TASP1: variants seen among roughly 807,000 people sequenced by gnomAD.
The protein encoded by TASP1 is threonine aspartase 1.
A neutral mutation model predicts 56.6 loss-of-function variants in TASP1; 16 were observed. The observed-to-expected ratio is 0.28, with a 90% CI of 0.19 to 0.43. TASP1 has a LOEUF of 0.43. TASP1 is among the 20% of genes least tolerant of loss of function. TASP1 has a pLI of 1.00. For missense variants in TASP1, 393 were observed against 511.6 expected (o/e 0.77, Z 2.24); for synonymous variants, 179 against 184.2 (o/e 0.97, Z 0.23).
chr20:13,279,493 G>A, the TASP1 span: 2 of 810,632 alleles, frequency 2.5e-6, no homozygotes, highest in Non-Finnish European at 3.8e-6. Context: ...TTTCCATTGT[G>A]TATCGCCATG....
the TASP1 span, among the ~76,000 whole-genome samples, chr20:13,130,856 C>CT: frequency 6.6e-6 from 1 of 152,170 alleles, no homozygotes; most frequent in Non-Finnish European, 1.5e-5. Flanking sequence ...AAACTCAGTG[C>CT]TCAGCTTAAT....
the TASP1 span, among the ~76,000 whole-genome samples, chr20:13,196,616 G>T: frequency 6.6e-6 from 1 of 152,036 alleles, no homozygotes; most frequent in African/African-American, 2.4e-5. Flanking sequence ...GATTTTGAAG[G>T]CTTAATATGA....
At chr20:13,347,616 A>G in the TASP1 span, among the ~76,000 whole-genome samples, 1 of 152,204 alleles carries the variant, frequency 6.6e-6, no homozygotes, top group East Asian at 1.9e-4. Context: ...AGGCAGGTGG[A>G]TCACTTGAGG....
At chr20:13,475,306 T>C (rs2044682502) in intron 11 of TASP1, among the ~76,000 whole-genome samples, 1 of 152,228 alleles carries the variant, frequency 6.6e-6, no homozygotes. Flanking sequence ...GGTTCATTCA[T>C]GCTGATGGGT....
At chr20:13,167,241 GTTCA>G in the TASP1 span, 1 of 151,750 alleles carries the variant, frequency 6.6e-6, no homozygotes, top group African/African-American at 2.4e-5. Context: ...AGGCTAATAA[GTTCA>G]TGATTTTAAT....
intron 11 of TASP1, among the ~76,000 whole-genome samples, chr20:13,465,403 A>G (rs923019573): frequency 6.6e-6 from 1 of 152,040 alleles, no homozygotes; most frequent in African/African-American, 2.4e-5. Flanking sequence ...TGACTCCGGA[A>G]AACAACTCTG....
At chr20:13,595,247 A>C (rs904726487) in intron 4 of TASP1, among the ~76,000 whole-genome samples, 1 of 152,236 alleles carries the variant, frequency 6.6e-6, no homozygotes, top group East Asian at 1.9e-4. Flanking sequence ...GGAAAGGAAC[A>C]ACCAGTACCA....
chr20:13,266,636 A>G, the TASP1 span, among the ~76,000 whole-genome samples: 2 of 152,298 alleles, frequency 1.3e-5, no homozygotes, highest in Middle Eastern at 3.4e-3. Flanking sequence ...ATTTTCCCAA[A>G]CTGAGCAGGC....
chr20:13,393,210 G>A (rs1182536082), intron 13 of TASP1: 2 of 718,532 alleles, frequency 2.8e-6, no homozygotes, highest in Non-Finnish European at 5.2e-6. Flanking sequence ...CACAGTCCAC[G>A]CTATCACTGC....
chr20:13,129,852 CT>C, the TASP1 span, among the ~76,000 whole-genome samples: 1 of 152,144 alleles, frequency 6.6e-6, no homozygotes, highest in Non-Finnish European at 1.5e-5. Context: ...GCTTCTCTCT[CT>C]TAGCCTTATA....
chr20:13,253,649 A>G, the TASP1 span, among the ~76,000 whole-genome samples: 1 of 152,052 alleles, frequency 6.6e-6, no homozygotes. Context: ...TCCACAGGGG[A>G]TAGGACCCGA....
At chr20:13,269,407 G>A in the TASP1 span, among the ~76,000 whole-genome samples, 2 of 152,342 alleles carry the variant, frequency 1.3e-5, no homozygotes, top group African/African-American at 4.8e-5. Context: ...CAGTGGGCTT[G>A]CACTTTTCAG....
At chr20:13,233,852 C>T in the TASP1 span, among the ~76,000 whole-genome samples, 4 of 152,202 alleles carry the variant, frequency 2.6e-5, no homozygotes, top group South Asian at 8.3e-4. Context: ...GGCTTCTCAG[C>T]CCTTGCGCCC....
At chr20:13,451,170 T>TG (rs1391911970) in intron 11 of TASP1, among the ~76,000 whole-genome samples, 1 of 152,118 alleles carries the variant, frequency 6.6e-6, no homozygotes, top group Non-Finnish European at 1.5e-5. Flanking sequence ...AGATGTGCTG[T>TG]CATCTAGACT....
At chr20:13,393,117 A>AAT (rs2041356897) in intron 13 of TASP1, 1 of 639,820 alleles carries the variant, frequency 1.6e-6, no homozygotes, top group Non-Finnish European at 2.9e-6. Context: ...GATCGTCAGC[A>AAT]ATGCCTCCTG....
intron 9 of TASP1, among the ~76,000 whole-genome samples, chr20:13,533,554 T>G (rs1442446825): frequency 2.0e-5 from 3 of 152,140 alleles, no homozygotes. Context: ...TTTTCTAAAA[T>G]GGCTGAAATG....
the TASP1 span, among the ~76,000 whole-genome samples, chr20:13,324,100 C>T: frequency 6.6e-6 from 1 of 152,172 alleles, no homozygotes; most frequent in African/African-American, 2.4e-5. Context: ...CCTATAAAAA[C>T]ATACTGTAAC....
At chr20:13,370,662 T>C in the TASP1 span, among the ~76,000 whole-genome samples, 1 of 152,116 alleles carries the variant, frequency 6.6e-6, no homozygotes, top group African/African-American at 2.4e-5. Context: ...GTGACTTTAT[T>C]TGAAGACACA....
chr20:13,565,847 G>A (rs1220359863), intron 7 of TASP1, among the ~76,000 whole-genome samples: 1 of 151,998 alleles, frequency 6.6e-6, no homozygotes, highest in African/African-American at 2.4e-5. Flanking sequence ...CCATTTCGGG[G>A]TACCCAAAAA....
Sources: allele counts gnomAD v4.1 joint callset (sites outside exome capture counted in the v4.1 genomes callset), GRCh38; gene constraint gnomAD v4.1.1; transcripts MANE v1.5; gene names NCBI Gene and HGNC (gene_info 2026-07-23, HGNC 2026-07-21).